ALLC: variants seen among roughly 807,000 people sequenced by gnomAD.
ALLC encodes probable inactive allantoicase.
Under a neutral mutation model 45.0 loss-of-function variants are expected in ALLC, and 40 were observed. The observed-to-expected ratio is 0.89, with a 90% CI of 0.69 to 1.16. The LOEUF (loss-of-function observed/expected upper bound fraction) is 1.16. Ranked by LOEUF, ALLC falls within the 50% of genes most tolerant of loss-of-function variation. ALLC has a pLI of 0.00. For synonymous variants in ALLC, 176 were observed against 178.1 expected (o/e 0.99, Z 0.09); for missense variants, 488 against 493.1 (o/e 0.99, Z 0.10).
Position 3,695,892 on chromosome 2 carries a change from G to A in ALLC, c.667+20G>A. 1 of 1,586,666 alleles carries A rather than the reference G, an allele frequency of 6.3e-7. No individual in the cohort carries two copies. The highest frequency in any genetic ancestry group is 8.6e-7 in the Non-Finnish European group (1 of 1,168,454). Reference sequence around the variant, plus strand: ...TAATAGGTAAGATGATATTCTTGGAGCTGGCTTATTTAGGAAGTCTGGGTA... The same window carrying A: ...TAATAGGTAAGATGATATTCTTGGAACTGGCTTATTTAGGAAGTCTGGGTA... On this transcript the variant is annotated intron_variant, in intron 8 of 11. Coordinates refer to ENST00000252505, the MANE Select transcript of ALLC (RefSeq NM_018436.4).
At chr2:3,700,755 C>A (rs181276193) in intron 10 of ALLC, among the ~76,000 whole-genome samples, 2 of 152,144 alleles carry the variant, frequency 1.3e-5, no homozygotes, top group Non-Finnish European at 2.9e-5. Flanking sequence ...TCCGTATGCA[C>A]CCCAGGGGCA....
At chr2:3,682,076 A>C (rs1667195130) in intron 6 of ALLC, among the ~76,000 whole-genome samples, 1 of 152,030 alleles carries the variant, frequency 6.6e-6, no homozygotes, top group Non-Finnish European at 1.5e-5. Flanking sequence ...AAACGGGGGA[A>C]AAAAATAAAT....
At position 3,702,567 on chromosome 2, in the gene ALLC, A is replaced by G; in HGVS notation, c.*4A>G. On this transcript the variant is annotated 3_prime_UTR_variant, in exon 12 of 12. Coordinates refer to ENST00000252505, the MANE Select transcript of ALLC (RefSeq NM_018436.4). The stretch of plus-strand genomic sequence containing the variant: ...GAGCTTCAAAGCAAACCCTTAACAC[A>G]CACAAAGCCCCGGTGTCGGACACAC... The G allele has an allele frequency of 6.5e-7, 1 of 1,535,018 alleles. No homozygotes were observed. Among genetic ancestry groups the G allele is most frequent in the Non-Finnish European group, 8.8e-7 (1 of 1,141,380 alleles).
intron 4 of ALLC, among the ~76,000 whole-genome samples, 192 bp downstream of exon 4, chr2:3,678,747 G>C (rs955416603): frequency 2.0e-5 from 3 of 152,206 alleles, no homozygotes; most frequent in Non-Finnish European, 2.9e-5. Context: ...GGTCACTGAC[G>C]TCCCACCAGG....
At chr2:3,664,812 A>G (rs561451078) in intron 1 of ALLC, among the ~76,000 whole-genome samples, 1 of 151,000 alleles carries the variant, frequency 6.6e-6, no homozygotes, top group African/African-American at 2.4e-5. Flanking sequence ...TGAGCCCAAG[A>G]GTTTGAGGCT....
intron 7 of ALLC, among the ~76,000 whole-genome samples, chr2:3,691,195 G>A (rs1000920688): frequency 2.0e-5 from 3 of 151,670 alleles, no homozygotes; most frequent in Admixed American, 6.6e-5. Flanking sequence ...ATGAATTGAA[G>A]CTTCTTTATG....
chr2:3,696,281 G>A lies in ALLC; in HGVS notation c.674G>A (p.Gly225Asp), dbSNP rs375625212. 4 of 1,612,806 alleles carry A rather than the reference G, an allele frequency of 2.5e-6. No homozygotes were observed. In the African/African-American group the frequency reaches 5.3e-5, roughly 22 times the overall value. ...FGHPNNIIGV[G>D]GAKSMADGWE... ...ACAATGTTATTTTCTGTAGGAGTTG[G>A]CGGGGCAAAGTCTATGGCGGATGGT... The change falls in exon 9 of 12, where the codon GGC (glycine) becomes GAC (aspartate). Residue 225 changes from glycine to aspartate, a missense_variant. Gly to Asp is a moderately conservative substitution (Grantham distance 94, BLOSUM62 -1). Transcript: ENST00000252505.
intron 10 of ALLC, 35 bp from the exon 11 acceptor site, chr2:3,701,477 C>CG: frequency 6.5e-7 from 1 of 1,547,986 alleles, no homozygotes; most frequent in Non-Finnish European, 8.8e-7. Context: ...AGTGCAAATG[C>CG]GGGCAGAAAA....
intron 1 of ALLC, among the ~76,000 whole-genome samples, chr2:3,665,445 A>G (rs1308741015): frequency 6.6e-6 from 1 of 151,890 alleles, no homozygotes; most frequent in African/African-American, 2.4e-5. Context: ...TGCATTAGCT[A>G]TTTGTCCTGA....
rs548861191 is a variant in ALLC at position 3,701,478 on chromosome 2, G to A, written c.851-34G>A. The A allele has an allele frequency of 3.2e-5, 49 of 1,548,806 alleles. 1 individual carries two copies. The highest frequency in any genetic ancestry group is 1.7e-4 in the Middle Eastern group (1 of 5,908). On this transcript the variant is annotated intron_variant, in intron 10 of 11. Coordinates refer to ENST00000252505, the MANE Select transcript of ALLC (RefSeq NM_018436.4). ...TATACGCCAAACTGAGTGCAAATGC[G>A]GGCAGAAAATCACGCTGTGTTTTGC...
At chr2:3,665,520 G>A (rs1666682621) in intron 1 of ALLC, among the ~76,000 whole-genome samples, 2 of 152,144 alleles carry the variant, frequency 1.3e-5, no homozygotes, top group South Asian at 4.1e-4. Context: ...GCGTCCGTGT[G>A]TTCTCATCGT....
intron 3 of ALLC, among the ~76,000 whole-genome samples, chr2:3,675,278 T>C (rs1666993203): frequency 6.6e-6 from 1 of 151,694 alleles, no homozygotes; most frequent in South Asian, 2.1e-4. Flanking sequence ...TAGTCCCCGC[T>C]ACTCAGAAGG....
intron 6 of ALLC, 25 bp from the exon 7 acceptor site, chr2:3,682,917 C>G (rs1667233103): frequency 6.2e-7 from 1 of 1,610,390 alleles, no homozygotes; most frequent in African/African-American, 1.3e-5. Flanking sequence ...AGAGCAATTG[C>G]TGACATTTCT....
chr2:3,668,868 G>A (rs527641569), intron 1 of ALLC, among the ~76,000 whole-genome samples: 2 of 151,230 alleles, frequency 1.3e-5, no homozygotes, highest in African/African-American at 2.4e-5. Flanking sequence ...GAGCCACCGC[G>A]CCTGGCCATG....
chr2:3,700,963 T>G (rs1206820295), intron 10 of ALLC, among the ~76,000 whole-genome samples: 1 of 152,172 alleles, frequency 6.6e-6, no homozygotes, highest in African/African-American at 2.4e-5. Flanking sequence ...GAGCCCACGA[T>G]TCCTATGATA....
chr2:3,699,115 T>C (rs894019604), intron 10 of ALLC, among the ~76,000 whole-genome samples: 1 of 152,206 alleles, frequency 6.6e-6, no homozygotes, highest in South Asian at 2.1e-4. Context: ...GTGTACAGAT[T>C]ATTTTATCAC....
At chr2:3,667,485 G>A (rs1666757249) in intron 1 of ALLC, among the ~76,000 whole-genome samples, 1 of 152,218 alleles carries the variant, frequency 6.6e-6, no homozygotes, top group African/African-American at 2.4e-5. Context: ...AGTCACGTTT[G>A]GATACATCGC....
chr2:3,675,374 A>C (rs1204642489), intron 3 of ALLC, among the ~76,000 whole-genome samples: 1 of 136,888 alleles, frequency 7.3e-6, no homozygotes, highest in Non-Finnish European at 1.6e-5. Context: ...TGGGTGACAG[A>C]GTAAGACCCT....
In ALLC at chr2:3,681,721, T is replaced by TC; in HGVS notation, c.378+13dup. On this transcript the variant is annotated intron_variant, in intron 6 of 11. Coordinates refer to ENST00000252505, the MANE Select transcript of ALLC (RefSeq NM_018436.4). Reference sequence around the variant, plus strand: ...TTTGAAGCCATTGCTGAGGTACATCTCCCCCAAATGAATTGGGTCTTGTCA... The same window carrying TC: ...TTTGAAGCCATTGCTGAGGTACATCTCCCCCCAAATGAATTGGGTCTTGTCA... The TC allele has an allele frequency of 1.2e-6, 2 of 1,601,960 alleles. No individual in the cohort carries two copies. Among genetic ancestry groups the TC allele is most frequent in the Non-Finnish European group, 1.7e-6 (2 of 1,172,948 alleles).
Sources: gnomAD v4.1 joint callset for allele counts (sites outside exome capture counted in the v4.1 genomes callset) on GRCh38, gnomAD v4.1.1 for gene constraint, MANE v1.5 for transcripts, NCBI Gene and HGNC (gene_info 2026-07-23, HGNC 2026-07-21) for gene names.